The following KRT8 variants were observed in gnomAD, a reference collection of about 807,000 sequenced individuals.
The protein encoded by KRT8 is keratin 8.
KRT8 carries 24 observed loss-of-function variants against 43.0 expected under a neutral mutation model. The ratio of observed to expected loss-of-function variants is 0.56; its 90% CI spans 0.40 to 0.78. The LOEUF (loss-of-function observed/expected upper bound fraction) is 0.78. Ranked by LOEUF, KRT8 falls within the 30% of genes least tolerant of loss-of-function variation. The pLI, the probability that KRT8 is intolerant of heterozygous loss-of-function variation, is 0.00. For synonymous variants in KRT8, 214 were observed against 261.2 expected (o/e 0.82, Z 1.74); for missense variants, 492 against 638.4 (o/e 0.77, Z 2.47).
chr12:52,922,249 A>AC (rs1941903489), intron 2 of KRT8, among the ~76,000 whole-genome samples: 1 of 144,236 alleles, frequency 6.9e-6, no homozygotes, highest in South Asian at 2.2e-4. Context: ...CCAGAACTGG[A>AC]CCCCGTCTGC....
At chr12:52,900,198 G>T in intron 4 of KRT8, 133 bp from the exon 5 acceptor site, 1 of 862,386 alleles carries the variant, frequency 1.2e-6, no homozygotes, top group Non-Finnish European at 1.8e-6. Flanking sequence ...GGGTCAGGGA[G>T]AGGGCAAAGT....
intron 2 of KRT8, among the ~76,000 whole-genome samples, chr12:52,918,045 A>AAGT (rs1941783407): frequency 7.0e-6 from 1 of 143,166 alleles, no homozygotes; most frequent in Non-Finnish European, 1.5e-5. Flanking sequence ...GGAGAAGAAG[A>AAGT]AGAAGAGGAA....
chr12:52,902,207 T>C, intron 1 of KRT8, 135 bp from the exon 2 acceptor site: 1 of 668,616 alleles, frequency 1.5e-6, no homozygotes, highest in Admixed American at 2.2e-5. Flanking sequence ...TGGTTAGCTG[T>C]TCTGGAAAGA....
intron 2 of KRT8, among the ~76,000 whole-genome samples, chr12:52,913,863 GGTTT>G (rs1241681930): frequency 1.3e-5 from 2 of 152,178 alleles, no homozygotes; most frequent in Non-Finnish European, 2.9e-5. Context: ...CACGGTTACA[GGTTT>G]GTTTGTTTTT....
chr12:52,926,107 G>C (rs1941984628), intron 2 of KRT8, among the ~76,000 whole-genome samples: 1 of 151,874 alleles, frequency 6.6e-6, no homozygotes, highest in Admixed American at 6.6e-5. Flanking sequence ...GAGACTTCTA[G>C]ACATGTACAC....
intron 2 of KRT8, chr12:52,926,335 C>A: frequency 7.1e-6 from 5 of 703,206 alleles, no homozygotes; most frequent in East Asian, 3.0e-5. Flanking sequence ...ACTAGCTGCC[C>A]TCCCCACCCC....
chr12:52,910,740 G>A (rs956362435), upstream of KRT8, among the ~76,000 whole-genome samples: 2 of 152,166 alleles, frequency 1.3e-5, no homozygotes, highest in Non-Finnish European at 1.5e-5. Flanking sequence ...CTGGGGCTCC[G>A]CTATAGGCAT....
intron 2 of KRT8, chr12:52,926,343 C>T: frequency 2.3e-6 from 2 of 877,318 alleles, no homozygotes; most frequent in Non-Finnish European, 3.5e-6. Context: ...CCCTCCCCAC[C>T]CCACCCCCAG....
chr12:52,905,648 G>A (rs1341416505), upstream of KRT8, among the ~76,000 whole-genome samples: 1 of 152,138 alleles, frequency 6.6e-6, no homozygotes, highest in African/African-American at 2.4e-5. Flanking sequence ...CTGGTGCAGT[G>A]CCAAGAGGGT....
intron 7 of KRT8, among the ~76,000 whole-genome samples, chr12:52,898,152 G>A (rs937186332): frequency 2.0e-5 from 3 of 152,174 alleles, no homozygotes; most frequent in Admixed American, 6.5e-5. Context: ...GTGACAGAGC[G>A]AGACTTCGTC....
intron 2 of KRT8, among the ~76,000 whole-genome samples, chr12:52,917,713 A>AAAAG (rs1555188192): frequency 0.31 from 31,826 of 101,836 alleles, 3,901 homozygotes; most frequent in African/African-American, 0.46. Context: ...TGTCTCAAAA[A>AAAAG]AAAAAAAAAA....
At chr12:52,929,877 C>T (rs1386690083) in intron 2 of KRT8, among the ~76,000 whole-genome samples, 1 of 152,102 alleles carries the variant, frequency 6.6e-6, no homozygotes, top group African/African-American at 2.4e-5. Flanking sequence ...AGCTACAGAC[C>T]CAAGTTTCTA....
intron 2 of KRT8, among the ~76,000 whole-genome samples, chr12:52,928,574 C>T (rs893550755): frequency 1.3e-5 from 2 of 152,072 alleles, no homozygotes; most frequent in Non-Finnish European, 2.9e-5. Context: ...TTCCCCTCTA[C>T]TTGTAGTCAT....
intron 2 of KRT8, among the ~76,000 whole-genome samples, chr12:52,920,975 A>G (rs1254628753): frequency 6.6e-6 from 1 of 152,206 alleles, no homozygotes; most frequent in Admixed American, 6.5e-5. Flanking sequence ...ACCACTCTGT[A>G]ACCAACCTGC....
At chr12:52,914,242 CA>C (rs1034634695) in intron 2 of KRT8, among the ~76,000 whole-genome samples, 24 of 146,980 alleles carry the variant, frequency 1.6e-4, no homozygotes, top group African/African-American at 4.2e-4. Flanking sequence ...ACAAACAAAA[CA>C]AAAAAAAAAT....
intron 2 of KRT8, among the ~76,000 whole-genome samples, chr12:52,913,877 T>A (rs1390316233): frequency 3.3e-5 from 5 of 152,210 alleles, no homozygotes; most frequent in Non-Finnish European, 1.5e-5. Flanking sequence ...TGTTTGTTTT[T>A]TCTTTTATAC....
rs145324502 is a variant in KRT8, at chr12:52,941,566, G to A, written c.-47+7890C>T. ...TGCAATGGCGTGATCTCAGCTCACC[G>A]CAACCTCCACCTCCTGGATTCAAGC... On this transcript the variant is annotated intron_variant, in intron 2 of 6. Coordinates refer to the KRT8 transcript ENST00000546826. 6.6e-3 allele frequency among the ~76,000 whole-genome samples: 800 copies of A among 121,614 alleles called. 27 individuals carry two copies. In the East Asian group the frequency reaches 0.11, roughly 16 times the overall value. 79.8% of individuals were successfully genotyped at this position (121,614 alleles called of 152,430 possible).
intron 7 of KRT8, 106 bp downstream of exon 7, chr12:52,898,355 C>T (rs1941267915): frequency 5.4e-6 from 5 of 931,656 alleles, no homozygotes; most frequent in Admixed American, 2.0e-5. Context: ...AACATGAGTG[C>T]TCAGGCTGAG....
chr12:52,939,550 G>A (rs183881976), intron 2 of KRT8, among the ~76,000 whole-genome samples: 3 of 151,450 alleles, frequency 2.0e-5, no homozygotes, highest in African/African-American at 4.8e-5. Context: ...GCAAAACCCC[G>A]TCTCTACTAA....
Sources: gnomAD v4.1 joint callset for allele counts (sites outside exome capture counted in the v4.1 genomes callset) on GRCh38, gnomAD v4.1.1 for gene constraint, MANE v1.5 for transcripts, NCBI Gene and HGNC (gene_info 2026-07-23, HGNC 2026-07-21) for gene names.